The following CADM2 variants were observed in gnomAD, a reference collection of about 807,000 sequenced individuals.
CADM2 encodes the protein cell adhesion molecule 2.
Under a neutral mutation model 49.8 loss-of-function variants are expected in CADM2, and 12 were observed. The observed-to-expected ratio is 0.24, with a 90% CI of 0.15 to 0.39. The LOEUF (loss-of-function observed/expected upper bound fraction) is 0.39. Ranked by LOEUF, CADM2 falls within the 10% of genes least tolerant of loss-of-function variation. The pLI is 1.00. For missense variants in CADM2, 378 were observed against 492.3 expected (o/e 0.77, Z 2.20); for synonymous variants, 214 against 175.4 (o/e 1.22, Z -1.74).
intron 2 of CADM2, among the ~76,000 whole-genome samples, chr3:85,797,175 T>C (rs1380374571): frequency 6.6e-6 from 1 of 152,122 alleles, no homozygotes; most frequent in Non-Finnish European, 1.5e-5. Context: ...ATCTTTTTGT[T>C]ACATAGCAAT....
Position 85,109,847 on chromosome 3 carries a change from G to A in CADM2, c.61+150179G>A, listed in dbSNP as rs181191559. On this transcript the variant is annotated intron_variant, in intron 1 of 9. Coordinates refer to ENST00000383699, the MANE Select transcript of CADM2 (RefSeq NM_001167675.2). ...TAGCACATTTTTGTTTACATACAGCGTTGGTTCAAATTTTACTATTGTTTA... is the reference window on the plus strand; with the variant it reads ...TAGCACATTTTTGTTTACATACAGCATTGGTTCAAATTTTACTATTGTTTA... Among the ~76,000 whole-genome samples the A allele has an allele frequency of 1.4e-4, 22 of 151,992 alleles. No homozygotes were observed. The East Asian group carries it at 1.7e-3, about 12-fold the overall frequency.
chr3:85,305,010 G>A (rs542348662), intron 1 of CADM2, among the ~76,000 whole-genome samples: 19 of 151,620 alleles, frequency 1.3e-4, no homozygotes, highest in South Asian at 6.2e-4. Context: ...AATTACCATA[G>A]CAATTGACAG....
intron 1 of CADM2, among the ~76,000 whole-genome samples, chr3:85,249,863 T>G (rs1166951553): frequency 6.6e-6 from 1 of 151,896 alleles, no homozygotes; most frequent in East Asian, 1.9e-4. Context: ...GTTATTTAAT[T>G]CTCAGTCAGG....
chr3:86,013,632 G>C (rs748004706), intron 8 of CADM2: 27 of 1,600,630 alleles, frequency 1.7e-5, no homozygotes, highest in Non-Finnish European at 2.3e-5. Context: ...CATTATCACT[G>C]ACGATGTAGT....
At chr3:85,525,018 C>T (rs2061127705) in intron 1 of CADM2, among the ~76,000 whole-genome samples, 1 of 151,932 alleles carries the variant, frequency 6.6e-6, no homozygotes, top group African/African-American at 2.4e-5. Flanking sequence ...TGGTAGGGGG[C>T]TAGGGGAGGG....
At chr3:85,187,555 A>T (rs1225688589) in intron 1 of CADM2, among the ~76,000 whole-genome samples, 3 of 152,108 alleles carry the variant, frequency 2.0e-5, no homozygotes, top group Non-Finnish European at 4.4e-5. Context: ...TCATTTAGTA[A>T]ATTCCCAACT....
At chr3:85,785,636 G>A (rs2070936107) in intron 2 of CADM2, among the ~76,000 whole-genome samples, 1 of 152,080 alleles carries the variant, frequency 6.6e-6, no homozygotes, top group African/African-American at 2.4e-5. Flanking sequence ...GCTAGCAGAG[G>A]CCCTGGGACT....
intron 5 of CADM2, among the ~76,000 whole-genome samples, chr3:85,902,376 C>T (rs1039243610): frequency 6.6e-6 from 1 of 151,664 alleles, no homozygotes; most frequent in South Asian, 2.1e-4. Flanking sequence ...TATTATTTTT[C>T]ATCCTTTTAT....
chr3:85,046,320 CTTTT>C (rs924286569), intron 1 of CADM2, among the ~76,000 whole-genome samples: 8 of 122,834 alleles, frequency 6.5e-5, no homozygotes, highest in African/African-American at 8.9e-5. Flanking sequence ...TTACAATTTT[CTTTT>C]TTTTTTTTTT....
chr3:85,051,269 T>A (rs1431186769), intron 1 of CADM2, among the ~76,000 whole-genome samples: 1 of 152,194 alleles, frequency 6.6e-6, no homozygotes, highest in African/African-American at 2.4e-5. Context: ...GGGCCATTTT[T>A]AAAATAAGTT....
intron 1 of CADM2, among the ~76,000 whole-genome samples, chr3:85,596,184 T>G (rs1246698052): frequency 6.6e-6 from 1 of 151,848 alleles, no homozygotes; most frequent in Non-Finnish European, 1.5e-5. Flanking sequence ...TTTATTTTAT[T>G]TTTTGACTGT....
chr3:85,980,096 T>C (rs577601492), intron 8 of CADM2, among the ~76,000 whole-genome samples: 1 of 151,648 alleles, frequency 6.6e-6, no homozygotes, highest in African/African-American at 2.4e-5. Flanking sequence ...GTTTAATTTC[T>C]ACATAAGCAG....
intron 1 of CADM2, among the ~76,000 whole-genome samples, chr3:85,039,922 T>G (rs1334978710): frequency 6.6e-6 from 1 of 152,150 alleles, no homozygotes; most frequent in Non-Finnish European, 1.5e-5. Context: ...AATACTTCCT[T>G]TATACTTAAT....
intron 1 of CADM2, among the ~76,000 whole-genome samples, chr3:85,364,387 A>T (rs1559801585): frequency 6.6e-6 from 1 of 152,180 alleles, no homozygotes; most frequent in East Asian, 1.9e-4. Flanking sequence ...TTTGAAGGTG[A>T]AAGTACAAGC....
intron 1 of CADM2, among the ~76,000 whole-genome samples, chr3:85,325,256 A>T (rs2044718741): frequency 1.3e-5 from 2 of 152,216 alleles, no homozygotes; most frequent in Admixed American, 1.3e-4. Flanking sequence ...GAATTAAATG[A>T]GTTAATGAAC....
At chr3:85,402,761 T>A (rs1289938878) in intron 1 of CADM2, among the ~76,000 whole-genome samples, 1 of 152,172 alleles carries the variant, frequency 6.6e-6, no homozygotes, top group Non-Finnish European at 1.5e-5. Flanking sequence ...TGTTAGAAGC[T>A]ATAATCAAAA....
intron 2 of CADM2, among the ~76,000 whole-genome samples, chr3:85,767,037 T>C (rs1255643729): frequency 6.6e-6 from 1 of 152,202 alleles, no homozygotes; most frequent in Non-Finnish European, 1.5e-5. Context: ...TCTACTATTG[T>C]ACCATATTTT....
At chr3:85,319,494 G>T (rs1388355422) in intron 1 of CADM2, among the ~76,000 whole-genome samples, 1 of 152,114 alleles carries the variant, frequency 6.6e-6, no homozygotes, top group South Asian at 2.1e-4. Context: ...ACATGCACGT[G>T]TATATTCATT....
chr3:85,933,481 C>G (rs909946274), intron 6 of CADM2, among the ~76,000 whole-genome samples: 53 of 152,088 alleles, frequency 3.5e-4, no homozygotes, highest in African/African-American at 1.2e-3. Flanking sequence ...ATTCCCCGCT[C>G]AATAAAAGAC....
Sources: allele counts gnomAD v4.1 joint callset (sites outside exome capture counted in the v4.1 genomes callset), GRCh38; gene constraint gnomAD v4.1.1; transcripts MANE v1.5; gene names NCBI Gene and HGNC (gene_info 2026-07-23, HGNC 2026-07-21).